SMYD3: variants seen among roughly 807,000 people sequenced by gnomAD.
SMYD3 encodes the protein SET and MYND domain containing 3.
In SMYD3, 36 loss-of-function variants were observed where a neutral mutation model predicts 57.7. The observed-to-expected ratio is 0.62, with a 90% confidence interval of 0.48 to 0.82. The LOEUF (loss-of-function observed/expected upper bound fraction) is 0.82, where lower values mean the gene tolerates loss of function less well. SMYD3 is among the 40% of genes least tolerant of loss of function. The probability of loss-of-function intolerance (pLI) is 0.00; values close to 1 mark genes in which losing one functional copy is unlikely to be tolerated. For missense variants in SMYD3, 515 were observed against 538.8 expected (o/e 0.96, Z 0.44); for synonymous variants, 211 against 195.0 (o/e 1.08, Z -0.68).
At chr1:246,352,341 A>AT in intron 2 of SMYD3, among the ~76,000 whole-genome samples, 1 of 152,202 alleles carries the variant, frequency 6.6e-6, no homozygotes, top group African/African-American at 2.4e-5. Context: ...CATATTATGG[A>AT]TTTTATACTA....
chr1:246,446,539 A>G lies in SMYD3; in HGVS notation c.164+60515T>C, dbSNP rs1348969764. ...GAGATATTAGAGGTGCTGTTTTTCT[A>G]AACCCATTTAATGTAGCTCTTTGAG... is the stretch of plus-strand genomic sequence containing the variant. On this transcript the variant is annotated intron_variant, in intron 1 of 11. Coordinates refer to ENST00000490107, the MANE Select transcript of SMYD3 (RefSeq NM_001167740.2). 3.3e-5 allele frequency among the ~76,000 whole-genome samples: 5 copies of G among 152,178 alleles called. No homozygotes were observed. The East Asian group carries it at 9.6e-4, about 29-fold the overall frequency.
intron 5 of SMYD3, among the ~76,000 whole-genome samples, chr1:245,938,195 C>A (rs998593424): frequency 4.6e-5 from 7 of 152,180 alleles, no homozygotes; most frequent in African/African-American, 1.7e-4. Flanking sequence ...GAGTGAAACC[C>A]AGAAGCAGGT....
intron 5 of SMYD3, among the ~76,000 whole-genome samples, chr1:246,062,993 G>C (rs181287398): frequency 6.6e-6 from 1 of 152,114 alleles, no homozygotes; most frequent in African/African-American, 2.4e-5. Context: ...CCACTTTTGC[G>C]TTCTTTATGC....
At chr1:246,284,963 C>CT (rs35254468) in intron 5 of SMYD3, among the ~76,000 whole-genome samples, 43,894 of 145,866 alleles carry the variant, frequency 0.3, 7,578 homozygotes, top group East Asian at 0.51. Context: ...ACTGCCTTTC[C>CT]TTTTTTTTTT....
At chr1:246,491,339 A>C (rs1004529694) in intron 1 of SMYD3, among the ~76,000 whole-genome samples, 8 of 152,116 alleles carry the variant, frequency 5.3e-5, no homozygotes, top group Non-Finnish European at 1.2e-4. Context: ...GGAGTTCAAG[A>C]CCAGCCTGGC....
chr1:245,903,840 G>T (rs914671034), intron 8 of SMYD3, among the ~76,000 whole-genome samples: 1 of 152,158 alleles, frequency 6.6e-6, no homozygotes, highest in Non-Finnish European at 1.5e-5. Context: ...ACTGCAGGGG[G>T]GCCCTGGACC....
At chr1:246,271,477 C>A (rs994361060) in intron 5 of SMYD3, among the ~76,000 whole-genome samples, 1 of 152,070 alleles carries the variant, frequency 6.6e-6, no homozygotes, top group Non-Finnish European at 1.5e-5. Context: ...TTTTTGTATA[C>A]AAACTTAGAT....
chr1:246,019,174 C>G (rs2059427193), intron 5 of SMYD3, among the ~76,000 whole-genome samples: 1 of 152,120 alleles, frequency 6.6e-6, no homozygotes, highest in African/African-American at 2.4e-5. Flanking sequence ...TGCTCCTCCC[C>G]CTGGAAGTCT....
chr1:246,261,779 G>A (rs1285459113), intron 5 of SMYD3, among the ~76,000 whole-genome samples: 1 of 152,138 alleles, frequency 6.6e-6, no homozygotes, highest in Admixed American at 6.5e-5. Flanking sequence ...GGAAAAAGAG[G>A]AAAATCATAT....
chr1:245,844,744 G>A (rs1251398586), intron 10 of SMYD3, among the ~76,000 whole-genome samples: 6 of 18,048 alleles, frequency 3.3e-4, no homozygotes, highest in South Asian at 3.5e-3. Flanking sequence ...GGCCAAGAAC[G>A]GACGACCATC....
chr1:246,416,011 T>C (rs2067055380), intron 1 of SMYD3, among the ~76,000 whole-genome samples: 1 of 152,222 alleles, frequency 6.6e-6, no homozygotes, highest in East Asian at 1.9e-4. Flanking sequence ...TTGTATTAGG[T>C]TGGTGCAAAA....
At chr1:246,406,558 T>A (rs2066869244) in intron 1 of SMYD3, among the ~76,000 whole-genome samples, 2 of 152,256 alleles carry the variant, frequency 1.3e-5, no homozygotes, top group African/African-American at 4.8e-5. Flanking sequence ...TTCTTGTAAG[T>A]CTCTCTTCAG....
chr1:246,492,256 TA>T (rs2068283989), intron 1 of SMYD3, among the ~76,000 whole-genome samples: 2 of 152,172 alleles, frequency 1.3e-5, no homozygotes, highest in African/African-American at 4.8e-5. Context: ...AATTAGAGAT[TA>T]AAAAATAATG....
rs1039744597 is a variant in SMYD3 at position 245,802,826 on chromosome 1, G to A, written c.1077-38677C>T. Reference sequence around the variant, plus strand: ...AAGACAGAACCAGACTGGAAACCTTGGGCCTCGTCTTAAGCTCTTATCTTG... The same window carrying A: ...AAGACAGAACCAGACTGGAAACCTTAGGCCTCGTCTTAAGCTCTTATCTTG... On this transcript the variant is annotated intron_variant, in intron 10 of 11. Transcript: ENST00000490107. Among the ~76,000 whole-genome samples, 9 of 152,200 alleles carry A rather than the reference G, an allele frequency of 5.9e-5. 1 individual carries two copies. The South Asian group carries it at 1.2e-3, about 21-fold the overall frequency.
intron 5 of SMYD3, among the ~76,000 whole-genome samples, chr1:246,135,950 C>G (rs1384623300): frequency 1.3e-5 from 2 of 152,072 alleles, no homozygotes; most frequent in African/African-American, 4.8e-5. Flanking sequence ...CAAAATCATC[C>G]TTTATTCACT....
chr1:245,949,825 A>ACCCCCCCCCCCCCC (rs376505931), intron 5 of SMYD3, among the ~76,000 whole-genome samples: 12 of 93,300 alleles, frequency 1.3e-4, no homozygotes, highest in Non-Finnish European at 1.7e-4. Context: ...AAAGAAACCC[A>ACCCCCCCCCCCCCC]CCCCCCCCAC....
At chr1:245,755,551 T>C (rs1490631196) in intron 11 of SMYD3, among the ~76,000 whole-genome samples, 2 of 152,234 alleles carry the variant, frequency 1.3e-5, no homozygotes, top group Non-Finnish European at 2.9e-5. Context: ...TTGTTTCTCA[T>C]GTTTTGCAAC....
At chr1:246,265,863 T>C (rs374564599) in intron 5 of SMYD3, among the ~76,000 whole-genome samples, 1 of 152,230 alleles carries the variant, frequency 6.6e-6, no homozygotes, top group African/African-American at 2.4e-5. Context: ...TCTCCTTATA[T>C]TGACAATCTT....
chr1:245,807,171 G>T (rs2048222185), intron 10 of SMYD3, among the ~76,000 whole-genome samples: 2 of 152,026 alleles, frequency 1.3e-5, no homozygotes, highest in Non-Finnish European at 2.9e-5. Context: ...GGGCTACAGT[G>T]GGCAGCCCTC....
Sources: gnomAD v4.1 joint callset for allele counts (sites outside exome capture counted in the v4.1 genomes callset) on GRCh38, gnomAD v4.1.1 for gene constraint, MANE v1.5 for transcripts, NCBI Gene and HGNC (gene_info 2026-07-23, HGNC 2026-07-21) for gene names.